Variants in PUS7 observed in about 807,000 individuals in gnomAD.
PUS7 encodes pseudouridine synthase 7.
A neutral mutation model predicts 79.8 loss-of-function variants in PUS7; 48 were observed. That is an observed-to-expected ratio of 0.60 (90% CI 0.48 to 0.76). PUS7 has a LOEUF of 0.76. Ranked by LOEUF, PUS7 falls within the 30% of genes least tolerant of loss-of-function variation. PUS7 has a pLI of 0.00. For missense variants in PUS7, 729 were observed against 797.6 expected, an observed-to-expected ratio of 0.91 and a Z score of 1.04; for synonymous variants, 286 against 272.2, an observed-to-expected ratio of 1.05 and a Z score of -0.50.
chr7:105,481,183 G>T lies in PUS7; in HGVS notation c.1050-6C>A, dbSNP rs966456976. ...CATCAGTTCCTGTTATATTTCTACAGGGACACAAATTATCCAGAGGAAAAA... is the reference window on the plus strand; with the variant it reads ...CATCAGTTCCTGTTATATTTCTACATGGACACAAATTATCCAGAGGAAAAA... On this transcript the variant is annotated splice_region_variant and splice_polypyrimidine_tract_variant and intron_variant, in intron 8 of 15. Coordinates refer to ENST00000469408, the MANE Select transcript of PUS7 (RefSeq NM_019042.5). The T allele has an allele frequency of 6.2e-7, 1 of 1,604,234 alleles. No individual in the cohort carries two copies. The highest frequency in any genetic ancestry group is 1.3e-5 in the African/African-American group (1 of 74,446).
intron 1 of PUS7, among the ~76,000 whole-genome samples, chr7:105,516,217 T>C (rs1487711475): frequency 2.6e-5 from 4 of 152,116 alleles, no homozygotes; most frequent in African/African-American, 9.7e-5. Context: ...AGTGCTGGGA[T>C]TACAGGCATG....
Position 105,502,422 on chromosome 7 carries a change from G to A in PUS7, c.728C>T (p.Ala243Val). 1 of 1,614,112 alleles carries A rather than the reference G, an allele frequency of 6.2e-7. No individual in the cohort carries two copies. The highest frequency in any genetic ancestry group is 8.5e-7 in the Non-Finnish European group (1 of 1,179,998). The change falls in exon 5 of 16, where the codon GCA becomes GTA. Residue 243 changes from alanine to valine, a missense_variant and splice_region_variant. Transcript: ENST00000469408. Reference protein sequence around the residue: ...AYHAAGKKALANPRKHSWPKS... With the variant: ...AYHAAGKKALVNPRKHSWPKS... ...GGAAGCTGCTCACAGACACCTACTT[G>A]CCAAAGCCTTTTTCCCAGCTGCGTG...
intron 6 of PUS7, among the ~76,000 whole-genome samples, chr7:105,494,406 T>TC (rs1480253390): frequency 1.5e-5 from 2 of 133,238 alleles, no homozygotes; most frequent in Non-Finnish European, 3.3e-5. Context: ...TCAGTGATTT[T>TC]TTTTTTTTTT....
At chr7:105,483,845 C>T (rs969773963) in intron 7 of PUS7, among the ~76,000 whole-genome samples, 2 of 152,140 alleles carry the variant, frequency 1.3e-5, no homozygotes, top group African/African-American at 2.4e-5. Flanking sequence ...TCACACATTG[C>T]AGCTGTGATG....
rs962705664 is a variant in PUS7, at chr7:105,509,707, G to A, written c.-32-1163C>T. Reference sequence around the variant, plus strand: ...TTGCTCAGTCTGGTCTTGAACTCCTGGGCTCAAGTAATGCTCTCACTTTGG... The same window carrying A: ...TTGCTCAGTCTGGTCTTGAACTCCTAGGCTCAAGTAATGCTCTCACTTTGG... On this transcript the variant is annotated intron_variant, in intron 1 of 15. Transcript: ENST00000469408. Among the ~76,000 whole-genome samples, 8 of 152,100 alleles carry A rather than the reference G, an allele frequency of 5.3e-5. No homozygotes were observed. The South Asian group carries it at 1.7e-3, about 32-fold the overall frequency.
At chr7:105,505,003 A>ATTTTTTTTTTTTTTTTTTTTTTTTTTT (rs112752687) in intron 4 of PUS7, among the ~76,000 whole-genome samples, 1 of 142,680 alleles carries the variant, frequency 7.0e-6, no homozygotes, top group Non-Finnish European at 1.5e-5. Flanking sequence ...ATTTAACATA[A>ATTTTTTTTTTTTTTTTTTTTTTTTTTT]TTTTTTTTTT....
chr7:105,521,094 T>C (rs1826089830), intron 1 of PUS7, among the ~76,000 whole-genome samples: 1 of 145,882 alleles, frequency 6.9e-6, no homozygotes, highest in Non-Finnish European at 1.6e-5. Context: ...ACTTTCCTAA[T>C]GTTTGAACCT....
At chr7:105,488,497 G>A (rs1184263612) in intron 7 of PUS7, among the ~76,000 whole-genome samples, 1 of 152,208 alleles carries the variant, frequency 6.6e-6, no homozygotes, top group African/African-American at 2.4e-5. Flanking sequence ...CTTTAAGTCA[G>A]TAATTTCACT....
At position 105,457,509 on chromosome 7, in the gene PUS7, CT is replaced by C; in HGVS notation, c.*280del. On this transcript the variant is annotated 3_prime_UTR_variant, in exon 16 of 16. Transcript: ENST00000469408. ...AAACCTGCTACTTTAAACCAAAGTC[CT>C]TTTTTTATTATTGTAAAGCTGACAT... The C allele has an allele frequency of 3.9e-5, 9 of 230,298 alleles. 1 individual carries two copies. Among genetic ancestry groups the C allele is most frequent in the East Asian group, 1.9e-4 (2 of 10,440 alleles). The allele number at this position is 230,298 out of a possible 1,614,324, so 14.3% of individuals were successfully genotyped here.
intron 13 of PUS7, 150 bp from the exon 14 acceptor site, chr7:105,462,900 G>A (rs970320706): frequency 3.8e-6 from 3 of 784,548 alleles, no homozygotes; most frequent in Non-Finnish European, 5.9e-6. Flanking sequence ...CTGTTCCCTG[G>A]AATCAAAATT....
chr7:105,502,283 T>G, intron 5 of PUS7, 137 bp downstream of exon 5: 3 of 1,127,990 alleles, frequency 2.7e-6, no homozygotes, highest in Non-Finnish European at 3.8e-6. Context: ...TCACCCTCTC[T>G]GAAGGAGGGA....
chr7:105,521,233 T>TG (rs1025961955), intron 1 of PUS7, among the ~76,000 whole-genome samples: 5 of 140,624 alleles, frequency 3.6e-5, no homozygotes, highest in Non-Finnish European at 7.9e-5. Context: ...GGCTTGGGGA[T>TG]GGGGGGGAGG....
At position 105,479,093 on chromosome 7, in the gene PUS7, C is replaced by T. The variant is rs373871574; in HGVS notation, c.1175+1959G>A. ...ATTAGCAAGGTTGAAAACATATTAG[C>T]AATCACTATATTCTAGGCATAAAAA... On this transcript the variant is annotated intron_variant, in intron 9 of 15. Transcript: ENST00000469408. Among the ~76,000 whole-genome samples, 155 of 152,258 alleles carry T rather than the reference C, an allele frequency of 1.0e-3. 1 individual carries two copies. The highest frequency in any genetic ancestry group is 3.5e-3 in the African/African-American group (145 of 41,552).
At chr7:105,518,739 C>T (rs1042189149) in intron 1 of PUS7, among the ~76,000 whole-genome samples, 14 of 151,834 alleles carry the variant, frequency 9.2e-5, no homozygotes, top group African/African-American at 3.4e-4. Context: ...GAAAAACAGC[C>T]ATTAGTCTTT....
intron 14 of PUS7, among the ~76,000 whole-genome samples, chr7:105,461,537 G>C (rs572907379): frequency 6.6e-6 from 1 of 152,184 alleles, no homozygotes; most frequent in South Asian, 2.1e-4. Flanking sequence ...TTTACTTCTT[G>C]ATGATTTGAA....
chr7:105,498,234 T>G (rs1825113792), intron 5 of PUS7, among the ~76,000 whole-genome samples: 1 of 152,242 alleles, frequency 6.6e-6, no homozygotes, highest in Admixed American at 6.5e-5. Flanking sequence ...ATTGATTAAC[T>G]GGGAATATTT....
chr7:105,465,895 C>T (rs994643610), intron 12 of PUS7, among the ~76,000 whole-genome samples: 9 of 151,964 alleles, frequency 5.9e-5, no homozygotes, highest in East Asian at 3.9e-4. Context: ...CAGTGGCTCA[C>T]GCCTGTAATC....
intron 5 of PUS7, among the ~76,000 whole-genome samples, chr7:105,500,581 C>T (rs1161867028): frequency 6.6e-6 from 1 of 152,198 alleles, no homozygotes; most frequent in Non-Finnish European, 1.5e-5. Flanking sequence ...TGTCTTCCCG[C>T]CTTCATAATG....
intron 7 of PUS7, among the ~76,000 whole-genome samples, chr7:105,490,752 T>C (rs1317972919): frequency 6.6e-6 from 1 of 152,184 alleles, no homozygotes; most frequent in African/African-American, 2.4e-5. Context: ...CAATCCTAAA[T>C]CCTACCCAGC....
Sources: gnomAD v4.1 joint callset for allele counts (sites outside exome capture counted in the v4.1 genomes callset) on GRCh38, gnomAD v4.1.1 for gene constraint, MANE v1.5 for transcripts, NCBI Gene and HGNC (gene_info 2026-07-23, HGNC 2026-07-21) for gene names.